GRIN3B: variants seen among roughly 807,000 people sequenced by gnomAD.
GRIN3B encodes glutamate receptor ionotropic, NMDA 3B.
In GRIN3B, 77 loss-of-function variants were observed where a neutral mutation model predicts 66.0. The ratio of observed to expected loss-of-function variants is 1.17; its 90% CI spans 0.97 to 1.41. The LOEUF is 1.41. GRIN3B is among the 40% of genes most tolerant of loss of function. The pLI is 0.00. For missense variants in GRIN3B, 1,787 were observed against 1,564.5 expected (o/e 1.14, Z -2.40); for synonymous variants, 823 against 749.7 (o/e 1.10, Z -1.60).
chr19:1,003,313 GA>G lies in GRIN3B; in HGVS notation c.611del (p.Asp204AlafsTer2), dbSNP rs1473157909. ...TGGCCGGCCCCCACAGCTGGTCCTG[GA>G]CCTAAGCCGGCGGGACACGGGAGAT... The part of the protein sequence containing the change: ...RAGRPPQLVL[D>X]LSRRDTGDAG... On this transcript the variant is annotated frameshift_variant, in exon 2 of 9. Coordinates refer to ENST00000234389, the MANE Select transcript of GRIN3B (RefSeq NM_138690.3). LOFTEE classifies it high-confidence loss of function. 6.4e-7 allele frequency: 1 copy of G among 1,574,458 alleles called. No homozygotes were observed. The highest frequency in any genetic ancestry group is 1.2e-5 in the South Asian group (1 of 86,064).
rs1892213296 is a variant in GRIN3B, at chr19:1,007,864, C to A, written c.2207C>A (p.Pro736His). ...PRGVAMLTSD[P>H]PKLNAFIMDK... ...GCCCCCGGCCCCAGCAGGAGCGACC[C>A]CCCCAAGCTCAACGCCTTCATCATG... The change falls in exon 5 of 9, where the codon CCC (proline) becomes CAC (histidine). Residue 736 changes from proline to histidine, a missense_variant. Coordinates refer to ENST00000234389, the MANE Select transcript of GRIN3B (RefSeq NM_138690.3). The surrounding 1 kb of genome is among the most constrained non-coding windows in gnomAD (Gnocchi z 4.4). 1 of 1,610,570 alleles carries A rather than the reference C, an allele frequency of 6.2e-7. No individual in the cohort carries two copies. Among genetic ancestry groups the A allele is most frequent in the South Asian group, 1.1e-5 (1 of 91,032 alleles).
rs752671959 is a variant in GRIN3B at position 1,003,621 on chromosome 19, T to C, written c.918T>C (p.Ser306=). ...IVQLVARALG[S]AAQVQPKRAL... is the part of the protein sequence containing the mutation. ...AACTGGTGGCCCGGGCGCTGGGCAG[T>C]GCGGCCCAGGTGCAGCCGAAGCGAG... Residue 306 remains serine, a synonymous_variant, in exon 2 of 9, where the codon AGT becomes AGC. Transcript: ENST00000234389. The C allele has an allele frequency of 1.4e-6, 2 of 1,435,678 alleles. No homozygotes were observed. The highest frequency in any genetic ancestry group is 1.4e-5 in the South Asian group (1 of 69,320). The allele number at this position is 1,435,678 out of a possible 1,614,324, so 88.9% of individuals were successfully genotyped here.
rs767454875 is a variant in GRIN3B, at chr19:1,007,176, G to A, written c.2053-452G>A. ...GCAGGTGGCGCCCCCCAGGGTTTTC[G>A]GGAGAAACAGGGTGTCAGAGGCAGT... On this transcript the variant is annotated intron_variant, in intron 3 of 8. Coordinates refer to ENST00000234389, the MANE Select transcript of GRIN3B (RefSeq NM_138690.3). The surrounding 1 kb of genome is among the most constrained non-coding windows in gnomAD (Gnocchi z 4.4). 6.6e-5 allele frequency among the ~76,000 whole-genome samples: 10 copies of A among 152,254 alleles called. No homozygotes were observed. Among genetic ancestry groups the A allele is most frequent in the East Asian group, 3.9e-4 (2 of 5,186 alleles).
chr19:1,003,733 A>C lies in GRIN3B; in HGVS notation c.1019+11A>C, dbSNP rs2038709783. 1 of 1,396,578 alleles carries C rather than the reference A, an allele frequency of 7.2e-7. No homozygotes were observed. The highest frequency in any genetic ancestry group is 3.4e-5 in the Admixed American group (1 of 29,478). The allele number at this position is 1,396,578 out of a possible 1,614,324, so 86.5% of individuals were successfully genotyped here. ...GCGCTTCTTGGCACGGTGAGTGGGG[A>C]CCCTGCTTCCCTTAGGAGGGTGTCC... On this transcript the variant is annotated intron_variant, in intron 2 of 8. Transcript: ENST00000234389.
At position 1,003,195 on chromosome 19, in the gene GRIN3B, G is replaced by A. The variant is rs780318362; in HGVS notation, c.492G>A (p.Ala164=). 5.9e-6 allele frequency: 9 copies of A among 1,525,622 alleles called. No homozygotes were observed. The highest frequency in any genetic ancestry group is 2.9e-5 in the African/African-American group (2 of 70,006). 94.5% of individuals were successfully genotyped at this position (1,525,622 alleles called of 1,614,324 possible). ...PLETLLDVLV[A]VLQAHAWEDV... Reference sequence around the variant, plus strand: ...AGACGCTGCTGGATGTGCTGGTGGCGGTGCTGCAGGCGCACGCCTGGGAAG... The same window carrying A: ...AGACGCTGCTGGATGTGCTGGTGGCAGTGCTGCAGGCGCACGCCTGGGAAG... Residue 164 remains alanine (A), a synonymous_variant, in exon 2 of 9, where the codon GCG becomes GCA. Transcript: ENST00000234389.
chr19:1,006,682 C>A (rs555090225), intron 3 of GRIN3B, among the ~76,000 whole-genome samples: 1 of 152,296 alleles, frequency 6.6e-6, no homozygotes, highest in African/African-American at 2.4e-5. Flanking sequence ...CCAGTGGTGT[C>A]CCCTGGGGGT....
In GRIN3B at chr19:1,008,946, G is replaced by T. The variant is rs201093441; in HGVS notation, c.2702+19G>T. ...AGCCCAGGTAAGTGGTGGTCGGGGCGGACCACGATGCAGGACCACCCAGAC... is the reference window on the plus strand; with the variant it reads ...AGCCCAGGTAAGTGGTGGTCGGGGCTGACCACGATGCAGGACCACCCAGAC... On this transcript the variant is annotated intron_variant, in intron 8 of 8. Transcript: ENST00000234389. The T allele has an allele frequency of 1.9e-6, 3 of 1,588,876 alleles. No individual in the cohort carries two copies. In the Admixed American group the frequency reaches 5.3e-5, roughly 28 times the overall value.
intron 6 of GRIN3B, 29 bp downstream of exon 6, chr19:1,008,320 G>A: frequency 2.4e-6 from 3 of 1,266,110 alleles, no homozygotes; most frequent in South Asian, 1.3e-5. Flanking sequence ...CAGAGGGTGG[G>A]GGTGGGGGTG....
chr19:1,007,719 C>T lies in GRIN3B; in HGVS notation c.2144C>T (p.Ala715Val), dbSNP rs1341579227. 1.3e-6 allele frequency: 2 copies of T among 1,533,870 alleles called. No homozygotes were observed. Among genetic ancestry groups the T allele is most frequent in the Non-Finnish European group, 1.8e-6 (2 of 1,141,326 alleles). Residue 715 changes from alanine (A) to valine (V), a missense_variant, in exon 4 of 9, where the codon GCA becomes GTA. Physicochemically the swap from Ala to Val is moderately conservative, Grantham distance 64 (BLOSUM62 0). Transcript: ENST00000234389. This position sits in a 1 kb window ranked among gnomAD's most constrained non-coding sequence, Gnocchi z 4.4. ...AAGAAGAGCTTCCCCGACATGCACG[C>T]ACACATGCGGCGCCACAGCGCGCCC... is the stretch of plus-strand genomic sequence containing the variant. ...YIKKSFPDMHAHMRRHSAPTT... is the reference protein window; with the variant it reads ...YIKKSFPDMHVHMRRHSAPTT...
chr19:1,009,698 C>T lies in GRIN3B; in HGVS notation c.*96C>T, dbSNP rs1266665468. ...TTCTATATACAAACACAATTTTGTACACTGCAATTAAATAGAATGGAATGA... is the reference window on the plus strand; with the variant it reads ...TTCTATATACAAACACAATTTTGTATACTGCAATTAAATAGAATGGAATGA... On this transcript the variant is annotated 3_prime_UTR_variant, in exon 9 of 9. Coordinates refer to ENST00000234389, the MANE Select transcript of GRIN3B (RefSeq NM_138690.3). 9.7e-7 allele frequency: 1 copy of T among 1,032,248 alleles called. No homozygotes were observed. The highest frequency in any genetic ancestry group is 1.7e-5 in the African/African-American group (1 of 59,076). 63.9% of individuals were successfully genotyped at this position (1,032,248 alleles called of 1,614,324 possible).
rs2038767860 is a variant in GRIN3B, at chr19:1,007,722, A to T, written c.2147A>T (p.His716Leu). 6.5e-7 allele frequency: 1 copy of T among 1,532,382 alleles called. No homozygotes were observed. The highest frequency in any genetic ancestry group is 1.4e-5 in the African/African-American group (1 of 71,264). The allele number at this position is 1,532,382 out of a possible 1,614,324, so 94.9% of individuals were successfully genotyped here. Residue 716 changes from histidine (H) to leucine (L), a missense_variant, in exon 4 of 9, where the codon CAC (histidine) becomes CTC (leucine). His to Leu is a moderately conservative substitution (Grantham distance 99). Transcript: ENST00000234389. The surrounding 1 kb of genome is among the most constrained non-coding windows in gnomAD (Gnocchi z 4.4). ...IKKSFPDMHA[H>L]MRRHSAPTTP... is the part of the protein sequence containing the mutation. ...AAGAGCTTCCCCGACATGCACGCACACATGCGGCGCCACAGCGCGCCCACC... is the reference window on the plus strand; with the variant it reads ...AAGAGCTTCCCCGACATGCACGCACTCATGCGGCGCCACAGCGCGCCCACC...
Position 1,008,303 on chromosome 19 carries a change from C to T in GRIN3B, c.2466+12C>T, listed in dbSNP as rs2038783413. On this transcript the variant is annotated intron_variant, in intron 6 of 8. Transcript: ENST00000234389. ...TTGCGGTTACAGAGGTGGGGCAGGG[C>T]CTGGGACAGAGGGTGGGGGTGGGGG... 3.2e-6 allele frequency: 4 copies of T among 1,249,336 alleles called. No homozygotes were observed. The highest frequency in any genetic ancestry group is 4.3e-6 in the Non-Finnish European group (4 of 923,526). 77.4% of individuals were successfully genotyped at this position (1,249,336 alleles called of 1,614,324 possible).
intron 5 of GRIN3B, 49 bp from the exon 6 acceptor site, chr19:1,008,091 C>T: frequency 1.3e-6 from 2 of 1,567,196 alleles, no homozygotes; most frequent in Non-Finnish European, 1.7e-6. Flanking sequence ...GGGCAGAGTT[C>T]CCCTGGGGCT....
chr19:1,009,616 C>A lies in GRIN3B; in HGVS notation c.*14C>A, dbSNP rs1206260606. On this transcript the variant is annotated 3_prime_UTR_variant, in exon 9 of 9. Coordinates refer to ENST00000234389, the MANE Select transcript of GRIN3B (RefSeq NM_138690.3). ...AGCCAGGAATGAGGCGGCAGCCGGG[C>A]CGTTTGGGCTCAAGACACACACACA... is the stretch of plus-strand genomic sequence containing the variant. The A allele has an allele frequency of 2.8e-6, 4 of 1,414,516 alleles. No homozygotes were observed. The highest frequency in any genetic ancestry group is 3.1e-5 in the Admixed American group (1 of 32,436). The allele number at this position is 1,414,516 out of a possible 1,614,324, so 87.6% of individuals were successfully genotyped here.
rs1437808655 is a variant in GRIN3B, at chr19:1,003,526, C to T, written c.823C>T (p.Pro275Ser). 1 of 1,528,794 alleles carries T rather than the reference C, an allele frequency of 6.5e-7. No homozygotes were observed. The highest frequency in any genetic ancestry group is 8.7e-7 in the Non-Finnish European group (1 of 1,142,902). The allele number at this position is 1,528,794 out of a possible 1,614,324, so 94.7% of individuals were successfully genotyped here. A position where few individuals can be genotyped will look rare whatever the true frequency, so the allele number is the denominator to read the frequency against. Residue 275 changes from proline (P) to serine (S), a missense_variant, in exon 2 of 9, where the codon CCA (proline) becomes TCA (serine). Coordinates refer to ENST00000234389, the MANE Select transcript of GRIN3B (RefSeq NM_138690.3). Reference protein sequence around the residue: ...PPKALPTAGLPPGLLALGEVA... With the variant: ...PPKALPTAGLSPGLLALGEVA... Reference sequence around the variant, plus strand: ...CAAGGCCCTGCCCACCGCGGGGCTGCCACCAGGGCTGCTGGCGCTGGGCGA... The same window carrying T: ...CAAGGCCCTGCCCACCGCGGGGCTGTCACCAGGGCTGCTGGCGCTGGGCGA...
rs1423793536 is a variant in GRIN3B, at chr19:1,005,600, G to A, written c.2052+47G>A. On this transcript the variant is annotated intron_variant, in intron 3 of 8. Transcript: ENST00000234389. This position sits in a 1 kb window ranked among gnomAD's most constrained non-coding sequence, Gnocchi z 5.2. Reference sequence around the variant, plus strand: ...CGGGTGGCCTTGGGGGGCTAGCGGTGGCCCCGGGCTGGGCTGTGTGGGGCA... The same window carrying A: ...CGGGTGGCCTTGGGGGGCTAGCGGTAGCCCCGGGCTGGGCTGTGTGGGGCA... The A allele has an allele frequency of 1.4e-6, 2 of 1,447,238 alleles. No individual in the cohort carries two copies. The highest frequency in any genetic ancestry group is 1.4e-5 in the South Asian group (1 of 73,494). The allele number at this position is 1,447,238 out of a possible 1,614,324, so 89.6% of individuals were successfully genotyped here. A position where few individuals can be genotyped will look rare whatever the true frequency, so the allele number is the denominator to read the frequency against.
In GRIN3B at chr19:1,004,719, G is replaced by A. The variant is rs554778286; in HGVS notation, c.1218G>A (p.Pro406=). Reference sequence around the variant, plus strand: ...CGGGAGGTGCCTCTGCACGGCCCCCGCCCCCACAGGGTGCCCAGGTCTGGC... The same window carrying A: ...CGGGAGGTGCCTCTGCACGGCCCCCACCCCCACAGGGTGCCCAGGTCTGGC... The part of the protein sequence containing the change: ...LEPGGASARP[P]PPQGAQVWPK... The change falls in exon 3 of 9, where the codon CCG becomes CCA. Residue 406 remains proline, a synonymous_variant. Coordinates refer to ENST00000234389, the MANE Select transcript of GRIN3B (RefSeq NM_138690.3). 7.6e-5 allele frequency: 122 copies of A among 1,605,698 alleles called. No homozygotes were observed. Among genetic ancestry groups the A allele is most frequent in the Admixed American group, 1.5e-4 (9 of 59,612 alleles).
At position 1,008,871 on chromosome 19, in the gene GRIN3B, C is replaced by G. The variant is rs750658854; in HGVS notation, c.2646C>G (p.Ala882=). 6.2e-7 allele frequency: 1 copy of G among 1,610,410 alleles called. No homozygotes were observed. The highest frequency in any genetic ancestry group is 1.7e-5 in the Admixed American group (1 of 59,866). The change falls in exon 8 of 9, where the codon GCC becomes GCG. Residue 882 remains alanine (A), a synonymous_variant. Transcript: ENST00000234389. ...TGGGGTCTTAGAAAATCCACCGCGC[C>G]CTCAACACGGAGCCACCAGAGGGGT... ...WLHTSQKIHR[A]LNTEPPEGSK...
Position 1,007,907 on chromosome 19 carries a change from C to T in GRIN3B, c.2250C>T (p.Asp750=), listed in dbSNP as rs1186855346. Residue 750 remains aspartate, a synonymous_variant, in exon 5 of 9, where the codon GAC becomes GAT. Transcript: ENST00000234389. This position sits in a 1 kb window ranked among gnomAD's most constrained non-coding sequence, Gnocchi z 4.4. ...NAFIMDKSLL[D]YEVSIDADCK... ...TCATCATGGACAAGTCGCTCCTGGA[C>T]TACGAGGTCTCCATCGACGCCGACT... is the stretch of plus-strand genomic sequence containing the variant. 3.1e-6 allele frequency: 5 copies of T among 1,611,892 alleles called. No homozygotes were observed. The highest frequency in any genetic ancestry group is 1.3e-5 in the African/African-American group (1 of 74,868).
Sources: allele counts gnomAD v4.1 joint callset (sites outside exome capture counted in the v4.1 genomes callset), GRCh38; gene constraint gnomAD v4.1.1; non-coding constraint Gnocchi (gnomAD v3.1); transcripts MANE v1.5; gene names NCBI Gene and HGNC (gene_info 2026-07-23, HGNC 2026-07-21).